PTN: variants seen among roughly 807,000 people sequenced by gnomAD.
PTN encodes the protein heparin affin regulatory protein.
A neutral mutation model predicts 24.1 loss-of-function variants in PTN; 18 were observed. The ratio of observed to expected loss-of-function variants is 0.75; its 90% confidence interval spans 0.52 to 1.11. The LOEUF is 1.11. Ranked by LOEUF, PTN falls within the 50% of genes least tolerant of loss-of-function variation. The pLI is 0.00. For synonymous variants in PTN, 78 were observed against 68.6 expected (o/e 1.14, Z -0.67); for missense variants, 163 against 198.8 (o/e 0.82, Z 1.08).
chr7:137,233,192 T>G (rs567292100), intron 4 of PTN, among the ~76,000 whole-genome samples: 1 of 151,836 alleles, frequency 6.6e-6, no homozygotes, highest in Non-Finnish European at 1.5e-5. Context: ...TTAGGTACGG[T>G]GAGACAATGA....
intron 1 of PTN, among the ~76,000 whole-genome samples, chr7:137,317,904 G>C (rs1388683072): frequency 2.0e-5 from 3 of 152,154 alleles, no homozygotes; most frequent in Non-Finnish European, 2.9e-5. Flanking sequence ...TTCAAGGAGT[G>C]GGTGGCCAGG....
At chr7:137,243,038 G>C (rs572680600) in intron 4 of PTN, among the ~76,000 whole-genome samples, 2 of 152,334 alleles carry the variant, frequency 1.3e-5, no homozygotes, top group South Asian at 4.1e-4. Flanking sequence ...CTGGGTTCAA[G>C]CGATTCTCCT....
intron 1 of PTN, among the ~76,000 whole-genome samples, chr7:137,333,222 TC>T (rs1457612931): frequency 1.3e-5 from 2 of 152,194 alleles, no homozygotes; most frequent in Non-Finnish European, 2.9e-5. Flanking sequence ...CCTTTCACCT[TC>T]CACCATGAGT....
chr7:137,277,932 T>C (rs1809391697), intron 1 of PTN, among the ~76,000 whole-genome samples: 1 of 151,866 alleles, frequency 6.6e-6, no homozygotes, highest in Admixed American at 6.6e-5. Flanking sequence ...GATAGATAGA[T>C]AGATAGATAG....
At chr7:137,232,634 A>G (rs997502713) in intron 4 of PTN, among the ~76,000 whole-genome samples, 1 of 151,962 alleles carries the variant, frequency 6.6e-6, no homozygotes, top group Non-Finnish European at 1.5e-5. Flanking sequence ...GAATTTATCC[A>G]AGGAAATTCT....
intron 1 of PTN, among the ~76,000 whole-genome samples, chr7:137,303,935 A>T (rs1809846187): frequency 6.6e-6 from 1 of 151,978 alleles, no homozygotes; most frequent in African/African-American, 2.4e-5. Flanking sequence ...CACACAAAAA[A>T]ATTTGATGTG....
At chr7:137,248,034 A>G (rs1808754207) in intron 4 of PTN, among the ~76,000 whole-genome samples, 1 of 152,168 alleles carries the variant, frequency 6.6e-6, no homozygotes, top group Admixed American at 6.5e-5. Flanking sequence ...ACCCGCAAGG[A>G]TATATGGGAC....
intron 1 of PTN, among the ~76,000 whole-genome samples, chr7:137,323,583 AT>A (rs955725627): frequency 2.6e-5 from 4 of 152,114 alleles, no homozygotes; most frequent in African/African-American, 7.2e-5. Flanking sequence ...ACAAAGAGGG[AT>A]TTTGCTTTCT....
rs182879263 is a variant in PTN, at chr7:137,311,194, C to T, written c.-2+32245G>A. 4.7e-3 allele frequency among the ~76,000 whole-genome samples: 699 copies of T among 148,674 alleles called. 5 individuals carry two copies. Among genetic ancestry groups the T allele is most frequent in the Non-Finnish European group, 6.1e-3 (415 of 67,536 alleles). ...TTGCAGTGAGCTGAGATCATGCCAC[C>T]GCACACCAGCCTGGGTGACAGAGGG... On this transcript the variant is annotated intron_variant, in intron 1 of 4. Transcript: ENST00000348225.
intron 1 of PTN, among the ~76,000 whole-genome samples, chr7:137,335,414 T>C (rs1028186428): frequency 2.0e-5 from 3 of 152,156 alleles, no homozygotes; most frequent in African/African-American, 7.2e-5. Context: ...CAATTTTCTT[T>C]CATAAATAAT....
intron 1 of PTN, among the ~76,000 whole-genome samples, chr7:137,313,081 C>CCT (rs11405401): frequency 0.62 from 94,375 of 151,674 alleles, 30,381 homozygotes; most frequent in African/African-American, 0.77. Flanking sequence ...CTCGTTCCCC[C>CCT]CTCTCATTCA....
chr7:137,334,894 G>T (rs1810420328), intron 1 of PTN, among the ~76,000 whole-genome samples: 1 of 151,688 alleles, frequency 6.6e-6, no homozygotes, highest in East Asian at 1.9e-4. Flanking sequence ...TCCTTTGTAG[G>T]GACATGGATG....
At chr7:137,267,398 G>A (rs983421914) in intron 1 of PTN, among the ~76,000 whole-genome samples, 1 of 151,834 alleles carries the variant, frequency 6.6e-6, no homozygotes, top group Non-Finnish European at 1.5e-5. Context: ...AACTACTGTT[G>A]GGGGGAAGGG....
intron 1 of PTN, chr7:137,318,470 TTAAG>T (rs1443040161): frequency 6.6e-6 from 1 of 152,246 alleles, no homozygotes; most frequent in East Asian, 1.9e-4. Flanking sequence ...TGGCTCCACA[TTAAG>T]TATTAACTTT....
At chr7:137,246,258 T>C (rs1808721521) in intron 4 of PTN, among the ~76,000 whole-genome samples, 1 of 152,340 alleles carries the variant, frequency 6.6e-6, no homozygotes. Context: ...CCTATCATTG[T>C]GTTACAATAA....
intron 1 of PTN, among the ~76,000 whole-genome samples, chr7:137,284,502 AC>A (rs1809524164): frequency 6.6e-6 from 1 of 152,168 alleles, no homozygotes; most frequent in South Asian, 2.1e-4. Flanking sequence ...TCAAAGAGTA[AC>A]TAAAAGATCA....
chr7:137,278,269 TGCACTCCAGCCTGGGCGACAGAGCGA>T (rs1809400900), intron 1 of PTN, among the ~76,000 whole-genome samples: 1 of 124,350 alleles, frequency 8.0e-6, no homozygotes, highest in South Asian at 2.7e-4. Context: ...ATCGCGCCAC[TGCACTCCAGCCTGGGCGACAGAGCGA>T]GACTCCGTCT....
intron 4 of PTN, among the ~76,000 whole-genome samples, chr7:137,245,376 G>A (rs1385328546): frequency 6.6e-6 from 1 of 152,196 alleles, no homozygotes; most frequent in African/African-American, 2.4e-5. Context: ...GTACAGTAGA[G>A]CTGAGGAATT....
At chr7:137,278,945 C>CAATAATAAT (rs59932923) in intron 1 of PTN, among the ~76,000 whole-genome samples, 16,872 of 134,036 alleles carry the variant, frequency 0.13, 1,180 homozygotes, top group Middle Eastern at 0.16. Context: ...CATCTCAGAA[C>CAATAATAAT]AATAATAATA....
Sources: gnomAD v4.1 joint callset for allele counts (sites outside exome capture counted in the v4.1 genomes callset) on GRCh38, gnomAD v4.1.1 for gene constraint, MANE v1.5 for transcripts, NCBI Gene and HGNC (gene_info 2026-07-23, HGNC 2026-07-21) for gene names.